Variants in ADARB2 observed in about 807,000 individuals in gnomAD.
ADARB2 encodes adenosine deaminase RNA specific B2 (inactive), also known as inactive double-stranded RNA-specific editase B2.
Under a neutral mutation model 62.2 loss-of-function variants are expected in ADARB2, and 25 were observed. The ratio of observed to expected loss-of-function variants is 0.40; its 90% CI spans 0.29 to 0.56. The LOEUF (loss-of-function observed/expected upper bound fraction) is 0.56, where lower values mean the gene tolerates loss of function less well. Among genes scored for constraint, ADARB2 ranks in the 20% least tolerant of loss-of-function variants. The pLI, the probability that ADARB2 is intolerant of heterozygous loss-of-function variation, is 0.43. For missense variants in ADARB2, 1,071 were observed against 1,077.4 expected (o/e 0.99, Z 0.08); for synonymous variants, 572 against 500.8 (o/e 1.14, Z -1.90).
chr10:1,701,174 T>C (rs370061977), intron 1 of ADARB2, among the ~76,000 whole-genome samples: 6 of 950 alleles, frequency 6.3e-3, no homozygotes, highest in African/African-American at 5.7e-3. Flanking sequence ...CAGGCGCTCG[T>C]CAATACACTC....
chr10:1,600,207 G>T (rs772128705), intron 1 of ADARB2, among the ~76,000 whole-genome samples: 6 of 152,210 alleles, frequency 3.9e-5, no homozygotes, highest in Non-Finnish European at 7.3e-5. Context: ...AGAAGCTGCA[G>T]CCTCAGATGG....
intron 1 of ADARB2, among the ~76,000 whole-genome samples, chr10:1,466,763 T>G (rs957034832): frequency 6.6e-6 from 1 of 152,206 alleles, no homozygotes; most frequent in Non-Finnish European, 1.5e-5. Context: ...TATGGAAGAC[T>G]GTGGCACCTG....
intron 3 of ADARB2, among the ~76,000 whole-genome samples, chr10:1,285,640 G>A (rs1192250201): frequency 6.6e-6 from 1 of 152,192 alleles, no homozygotes; most frequent in African/African-American, 2.4e-5. Context: ...AAAGCAAAAG[G>A]CTGCTCTGTT....
intron 1 of ADARB2, among the ~76,000 whole-genome samples, chr10:1,442,047 G>C (rs911017980): frequency 6.6e-6 from 1 of 152,124 alleles, no homozygotes; most frequent in Non-Finnish European, 1.5e-5. Flanking sequence ...CTTGAAATAG[G>C]ATCTTTCTCT....
chr10:1,639,037 G>A (rs957405880), intron 1 of ADARB2, among the ~76,000 whole-genome samples: 21 of 152,208 alleles, frequency 1.4e-4, no homozygotes, highest in African/African-American at 5.1e-4. Context: ...CCCTCATCAT[G>A]GTACAAGTGT....
intron 1 of ADARB2, among the ~76,000 whole-genome samples, chr10:1,399,387 TG>T (rs1376745417): frequency 2.0e-5 from 3 of 152,000 alleles, no homozygotes; most frequent in Non-Finnish European, 4.4e-5. Flanking sequence ...ATGGGACAGG[TG>T]GGCACTGGTC....
intron 3 of ADARB2, among the ~76,000 whole-genome samples, chr10:1,353,970 C>T (rs538830161): frequency 2.0e-5 from 3 of 152,300 alleles, no homozygotes; most frequent in South Asian, 2.1e-4. Flanking sequence ...CGTAGACACT[C>T]GAACAAAACC....
At chr10:1,311,659 GCTC>G (rs1167881299) in intron 3 of ADARB2, among the ~76,000 whole-genome samples, 4 of 152,132 alleles carry the variant, frequency 2.6e-5, no homozygotes, top group African/African-American at 9.7e-5. Context: ...AGCCTGCAAA[GCTC>G]CTCAACCCTC....
chr10:1,558,007 G>T (rs536463244), intron 1 of ADARB2, among the ~76,000 whole-genome samples: 49 of 152,252 alleles, frequency 3.2e-4, no homozygotes, highest in African/African-American at 1.1e-3. Context: ...TTTTAAAGCA[G>T]CTGCAAGCAG....
At chr10:1,277,027 A>G (rs1048951756) in intron 3 of ADARB2, among the ~76,000 whole-genome samples, 2 of 152,244 alleles carry the variant, frequency 1.3e-5, no homozygotes, top group Admixed American at 1.3e-4. Context: ...AATGAAATGA[A>G]GGCAGAAATA....
At chr10:1,612,404 C>A (rs1307165497) in intron 1 of ADARB2, among the ~76,000 whole-genome samples, 4 of 152,216 alleles carry the variant, frequency 2.6e-5, no homozygotes, top group Non-Finnish European at 5.9e-5. Flanking sequence ...GCGGTCACAA[C>A]GCCGGTGGGT....
intron 1 of ADARB2, chr10:1,678,334 T>A: frequency 1.0e-6 from 1 of 984,982 alleles, no homozygotes; most frequent in Non-Finnish European, 1.2e-6. Context: ...GTGAACATCC[T>A]CGGGGTGAGG....
chr10:1,396,199 G>A (rs939641559), intron 1 of ADARB2, among the ~76,000 whole-genome samples: 2 of 151,936 alleles, frequency 1.3e-5, no homozygotes, highest in African/African-American at 2.4e-5. Context: ...GCTGGTACAC[G>A]GGATGGGTTT....
intron 1 of ADARB2, among the ~76,000 whole-genome samples, chr10:1,714,747 T>G (rs1305677362): frequency 6.6e-6 from 1 of 152,208 alleles, no homozygotes; most frequent in African/African-American, 2.4e-5. Context: ...CTGTGAGGGC[T>G]TTCATTTACC....
chr10:1,278,281 C>A (rs1589175393), intron 3 of ADARB2, among the ~76,000 whole-genome samples: 1 of 148,006 alleles, frequency 6.8e-6, no homozygotes, highest in South Asian at 2.1e-4. Context: ...ACACCCGGTC[C>A]TTTTTTTCTT....
At chr10:1,705,962 A>C (rs1834885245) in intron 1 of ADARB2, among the ~76,000 whole-genome samples, 1 of 152,110 alleles carries the variant, frequency 6.6e-6, no homozygotes, top group African/African-American at 2.4e-5. Flanking sequence ...TTAATGCCTT[A>C]TTTTAAATTT....
intron 1 of ADARB2, among the ~76,000 whole-genome samples, chr10:1,471,840 CAT>C (rs1404766398): frequency 6.6e-6 from 1 of 152,230 alleles, no homozygotes. Flanking sequence ...GCCGTGTACA[CAT>C]GTTAGACATT....
intron 1 of ADARB2, among the ~76,000 whole-genome samples, chr10:1,714,041 T>C (rs1361170451): frequency 6.6e-6 from 1 of 152,234 alleles, no homozygotes; most frequent in African/African-American, 2.4e-5. Flanking sequence ...CAAAAAACAT[T>C]TGATGGGAAA....
chr10:1,567,969 C>A (rs530186362), intron 1 of ADARB2, among the ~76,000 whole-genome samples: 2 of 152,296 alleles, frequency 1.3e-5, no homozygotes, highest in South Asian at 4.1e-4. Flanking sequence ...ACGGCATCAC[C>A]CCATCTGGAG....
Sources: allele counts gnomAD v4.1 joint callset (sites outside exome capture counted in the v4.1 genomes callset), GRCh38; gene constraint gnomAD v4.1.1; transcripts MANE v1.5; gene names NCBI Gene and HGNC (gene_info 2026-07-23, HGNC 2026-07-21).